Variants in GCC2 observed in about 807,000 individuals in gnomAD.
The protein encoded by GCC2 is GRIP and coiled-coil domain containing 2, also known as GRIP and coiled-coil domain-containing protein 2.
In GCC2, 120 loss-of-function variants were observed where a neutral mutation model predicts 210.6. The ratio of observed to expected loss-of-function variants is 0.57; its 90% CI spans 0.49 to 0.66. The LOEUF is 0.66. Ranked by LOEUF, GCC2 falls within the 30% of genes least tolerant of loss-of-function variation. The pLI, the probability that GCC2 is intolerant of heterozygous loss-of-function variation, is 0.00. For missense variants in GCC2, 1,868 were observed against 1,871.9 expected (o/e 1.00, Z 0.04); for synonymous variants, 703 against 652.7 (o/e 1.08, Z -1.17).
At chr2:108,505,287 C>A (rs1463592438) in intron 22 of GCC2, among the ~76,000 whole-genome samples, 1 of 152,140 alleles carries the variant, frequency 6.6e-6, no homozygotes, top group African/African-American at 2.4e-5. Flanking sequence ...ACAAGGTTAC[C>A]TCACTTGAAA....
intron 22 of GCC2, among the ~76,000 whole-genome samples, chr2:108,505,850 A>G (rs1410550315): frequency 6.6e-6 from 1 of 152,224 alleles, no homozygotes; most frequent in African/African-American, 2.4e-5. Context: ...CAGATTGTAA[A>G]TAACACGCAG....
intron 22 of GCC2, among the ~76,000 whole-genome samples, chr2:108,500,072 T>G (rs1163663568): frequency 6.6e-6 from 1 of 152,062 alleles, no homozygotes; most frequent in Non-Finnish European, 1.5e-5. Flanking sequence ...AAATTCTACT[T>G]TTTAAAAAAC....
rs146256742 is a variant in GCC2 at position 108,471,887 on chromosome 2, A to G, written c.2558A>G (p.Glu853Gly). The G allele has an allele frequency of 3.1e-3, 4,937 of 1,607,762 alleles. 12 individuals carry two copies. Among genetic ancestry groups the G allele is most frequent in the Non-Finnish European group, 3.5e-3 (4,093 of 1,177,964 alleles). ...AAAGAGTTAGAAGAAATACAGTCAGAAAAAGAGGCCCTGCAGTCTGATCTT... is the reference window on the plus strand; with the variant it reads ...AAAGAGTTAGAAGAAATACAGTCAGGAAAAGAGGCCCTGCAGTCTGATCTT... ...LRKELEEIQS[E>G]KEALQSDLLE... Residue 853 changes from glutamate (E) to glycine (G), a missense_variant, in exon 6 of 23, where the codon GAA becomes GGA. Glu to Gly is a moderately conservative substitution (Grantham distance 98). Coordinates refer to ENST00000309863, the MANE Select transcript of GCC2 (RefSeq NM_181453.4).
rs763945167 is a variant in GCC2 at position 108,451,036 on chromosome 2, A to G, written c.72A>G (p.Thr24=). 3 of 1,610,290 alleles carry G rather than the reference A, an allele frequency of 1.9e-6. No homozygotes were observed. The highest frequency in any genetic ancestry group is 2.2e-5 in the East Asian group (1 of 44,844). The part of the protein sequence containing the change: ...TPGTGKSKLE[T]LPKEDLIKFA... ...ATGACCACATCTTTCAGCTGGAAACATTGCCCAAAGAAGACCTCATCAAGT... is the reference window on the plus strand; with the variant it reads ...ATGACCACATCTTTCAGCTGGAAACGTTGCCCAAAGAAGACCTCATCAAGT... Residue 24 remains threonine (T), a synonymous_variant, in exon 3 of 23, where the codon ACA becomes ACG. Coordinates refer to ENST00000309863, the MANE Select transcript of GCC2 (RefSeq NM_181453.4).
Position 108,495,283 on chromosome 2 carries a change from T to G in GCC2, c.4448-8T>G, listed in dbSNP as rs1187407559. 6.4e-7 allele frequency: 1 copy of G among 1,569,032 alleles called. No individual in the cohort carries two copies. On this transcript the variant is annotated splice_polypyrimidine_tract_variant and splice_region_variant and intron_variant, in intron 19 of 22. Coordinates refer to ENST00000309863, the MANE Select transcript of GCC2 (RefSeq NM_181453.4). Reference sequence around the variant, plus strand: ...TCTCACACTTAACCTTTTAAAAAAATCTAATAGGCCCAGTTTCCTCTCAAC... The same window carrying G: ...TCTCACACTTAACCTTTTAAAAAAAGCTAATAGGCCCAGTTTCCTCTCAAC...
In GCC2 at chr2:108,449,897, T is replaced by G. The variant is rs1028840996; in HGVS notation, c.63+208T>G. On this transcript the variant is annotated intron_variant, in intron 2 of 22. Coordinates refer to ENST00000309863, the MANE Select transcript of GCC2 (RefSeq NM_181453.4). ...GAAAGACTTTTTGTTTGCTTCCTGCTCCTGGTTAGCACTGCTGGGAGATCC... is the reference window on the plus strand; with the variant it reads ...GAAAGACTTTTTGTTTGCTTCCTGCGCCTGGTTAGCACTGCTGGGAGATCC... 2.1e-5 allele frequency: 12 copies of G among 573,502 alleles called. No individual in the cohort carries two copies. In the Admixed American group the frequency reaches 3.4e-4, roughly 16 times the overall value. The allele number at this position is 573,502 out of a possible 1,614,324, so 35.5% of individuals were successfully genotyped here.
intron 13 of GCC2, among the ~76,000 whole-genome samples, chr2:108,485,094 T>G (rs981595437): frequency 5.9e-5 from 9 of 151,460 alleles, no homozygotes; most frequent in Non-Finnish European, 1.2e-4. Flanking sequence ...CACTGCATAT[T>G]CTCACTCATA....
chr2:108,466,985 C>A (rs1680928413), intron 4 of GCC2, among the ~76,000 whole-genome samples: 1 of 152,102 alleles, frequency 6.6e-6, no homozygotes, highest in South Asian at 2.1e-4. Context: ...CATTGGTTGT[C>A]TGTGCCTTTG....
At chr2:108,480,006 A>AAAC (rs1681763695) in intron 9 of GCC2, among the ~76,000 whole-genome samples, 5 of 121,186 alleles carry the variant, frequency 4.1e-5, no homozygotes, top group African/African-American at 1.6e-4. Flanking sequence ...AAAAAAAAAA[A>AAAC]AAACGAAAAA....
rs751776542 is a variant in GCC2, at chr2:108,471,796, G to A, written c.2467G>A (p.Val823Ile). The A allele has an allele frequency of 3.1e-6, 5 of 1,613,022 alleles. No homozygotes were observed. Among genetic ancestry groups the A allele is most frequent in the Admixed American group, 1.7e-5 (1 of 59,960 alleles). Reference sequence around the variant, plus strand: ...GATTAAGTGCCTTCAAGAAGAGAGTGTAGTTCAGTGTGAAGAACTTAAGTC... The same window carrying A: ...GATTAAGTGCCTTCAAGAAGAGAGTATAGTTCAGTGTGAAGAACTTAAGTC... ...KEIKCLQEES[V>I]VQCEELKSLL... The change falls in exon 6 of 23, where the codon GTA becomes ATA. Residue 823 changes from valine (V) to isoleucine (I), a missense_variant. Around this residue, in one of 3 missense-constraint regions of GCC2, gnomAD observed 1,847 missense variants for 1,765.2 expected, o/e 1.05. Coordinates refer to ENST00000309863, the MANE Select transcript of GCC2 (RefSeq NM_181453.4).
At chr2:108,487,564 CAA>C (rs1682205706) in intron 16 of GCC2, 133 bp from the exon 17 acceptor site, 1 of 845,372 alleles carries the variant, frequency 1.2e-6, no homozygotes, top group African/African-American at 1.7e-5. Flanking sequence ...CAAGGTTAAT[CAA>C]GAAACCAAAA....
At chr2:108,451,508 A>C (rs772443669) in intron 3 of GCC2, among the ~76,000 whole-genome samples, 1 of 152,098 alleles carries the variant, frequency 6.6e-6, no homozygotes, top group Non-Finnish European at 1.5e-5. Flanking sequence ...ATAATAAAAG[A>C]CTTCCATTTA....
chr2:108,469,440 T>C, intron 5 of GCC2: 1 of 478,440 alleles, frequency 2.1e-6, no homozygotes, highest in East Asian at 3.3e-5. Context: ...CTAATTTGAG[T>C]AATAGATTTA....
chr2:108,497,902 C>T (rs3872547), intron 21 of GCC2, among the ~76,000 whole-genome samples: 2 of 152,082 alleles, frequency 1.3e-5, no homozygotes, highest in East Asian at 1.9e-4. Context: ...AAATTTAAAC[C>T]CATAGCTGTC....
chr2:108,486,003 TAGAAAGATTCCTCAACATTTTG>T lies in GCC2; in HGVS notation c.3792+98_3792+119del, dbSNP rs1011988458. On this transcript the variant is annotated intron_variant, in intron 15 of 22. Transcript: ENST00000309863. ...TTATTGATTATCCTATAACGATATC[TAGAAAGATTCCTCAACATTTTG>T]AGGAAGTTACAACAATAAATCAAGT... 4 of 596,950 alleles carry T rather than the reference TAGAAAGATTCCTCAACATTTTG, an allele frequency of 6.7e-6. No individual in the cohort carries two copies. The African/African-American group carries it at 7.6e-5, about 11-fold the overall frequency. 37.0% of individuals were successfully genotyped at this position (596,950 alleles called of 1,614,324 possible).
chr2:108,460,351 T>C (rs375642910), intron 4 of GCC2, among the ~76,000 whole-genome samples: 2 of 152,216 alleles, frequency 1.3e-5, no homozygotes, highest in East Asian at 1.9e-4. Flanking sequence ...CTTAACTCCA[T>C]TTACATGCAG....
In GCC2 at chr2:108,472,876, T is replaced by C. The variant is rs965465988; in HGVS notation, c.2837T>C (p.Val946Ala). Residue 946 changes from valine (V) to alanine (A), a missense_variant, in exon 7 of 23, where the codon GTA becomes GCA. Val to Ala is a moderately conservative substitution (Grantham distance 64). This residue lies in a region of GCC2 where 1,847 missense variants were observed against 1,765.2 expected (regional missense o/e 1.05). Transcript: ENST00000309863. Reference sequence around the variant, plus strand: ...GTAAAAAATGATCCTCTGTCTTCAGTAAAAGAGTTGGAAGAAAAAATAGGT... The same window carrying C: ...GTAAAAAATGATCCTCTGTCTTCAGCAAAAGAGTTGGAAGAAAAAATAGGT... ...PSVKNDPLSS[V>A]KELEEKIENL... 46 of 1,592,102 alleles carry C rather than the reference T, an allele frequency of 2.9e-5. No homozygotes were observed. In the Middle Eastern group the frequency reaches 4.8e-3, roughly 166 times the overall value.
At chr2:108,480,928 A>G (rs1367072026) in intron 9 of GCC2, among the ~76,000 whole-genome samples, 1 of 152,142 alleles carries the variant, frequency 6.6e-6, no homozygotes, top group African/African-American at 2.4e-5. Context: ...TAAAAACACC[A>G]TTTTGCTAGT....
intron 12 of GCC2, 83 bp downstream of exon 12, chr2:108,483,249 A>G (rs1446150317): frequency 2.7e-6 from 2 of 743,724 alleles, no homozygotes; most frequent in Admixed American, 2.4e-5. Context: ...TTCTCTCTGC[A>G]ATCTCACTCT....
Sources: allele counts gnomAD v4.1 joint callset (sites outside exome capture counted in the v4.1 genomes callset), GRCh38; gene constraint gnomAD v4.1.1; regional missense constraint gnomAD v4.1.1; transcripts MANE v1.5; gene names NCBI Gene and HGNC (gene_info 2026-07-23, HGNC 2026-07-21).